MID1: variants seen among roughly 807,000 people sequenced by gnomAD.
MID1 encodes E3 ubiquitin-protein ligase Midline-1.
MID1 carries 7 observed loss-of-function variants against 40.4 expected under a neutral mutation model. The observed-to-expected ratio is 0.17, with a 90% CI of 0.10 to 0.33. The LOEUF is 0.33. MID1 is among the 10% of genes least tolerant of loss of function. The pLI, the probability that MID1 is intolerant of heterozygous loss-of-function variation, is 1.00. For missense variants in MID1, 367 were observed against 558.5 expected, an observed-to-expected ratio of 0.66 and a Z score of 3.46; for synonymous variants, 229 against 221.2, an observed-to-expected ratio of 1.04 and a Z score of -0.31.
At position 10,714,574 on chromosome X, in the gene MID1, C is replaced by T. The variant is rs770754454; in HGVS notation, c.-186-94155G>A. On this transcript the variant is annotated intron_variant, in intron 1 of 10. Transcript: ENST00000380785. ...TGAGATCTACTTTTGTTAATCGAAT[C>T]TGGAACATTTTAATATGCTTTGCAT... Among the ~76,000 whole-genome samples the T allele has an allele frequency of 6.2e-5, 7 of 112,844 alleles. No homozygotes were observed. In the South Asian group the frequency reaches 2.6e-3, roughly 41 times the overall value.
At chrX:10,658,902 C>T (rs1341951204) in intron 1 of MID1, among the ~76,000 whole-genome samples, 2 of 112,021 alleles carry the variant, frequency 1.8e-5, no homozygotes, top group Non-Finnish European at 3.8e-5. Context: ...CACCCACACA[C>T]AATCTTTGTG....
chrX:10,583,262 T>C (rs1935060167), intron 1 of MID1, among the ~76,000 whole-genome samples: 1 of 112,013 alleles, frequency 8.9e-6, no homozygotes, highest in Admixed American at 9.4e-5. Flanking sequence ...TTTCAAAGAC[T>C]CATACATAAA....
chrX:10,786,338 G>T (rs913478524), intron 1 of MID1, among the ~76,000 whole-genome samples: 1 of 110,363 alleles, frequency 9.1e-6, no homozygotes, highest in Non-Finnish European at 1.9e-5. Context: ...GAGAGGATGT[G>T]GAGAAATAGG....
At chrX:10,533,362 AAG>A (rs776881711) in intron 2 of MID1, among the ~76,000 whole-genome samples, 158 of 81,338 alleles carry the variant, frequency 1.9e-3, no homozygotes, top group Middle Eastern at 6.0e-3. Flanking sequence ...GAAAGAAAGA[AAG>A]AAAGAAAGAA....
chrX:10,747,381 G>A (rs1370916093), intron 1 of MID1, among the ~76,000 whole-genome samples: 2 of 112,150 alleles, frequency 1.8e-5, no homozygotes, highest in African/African-American at 6.5e-5. Context: ...AATTTCAAGG[G>A]AGAGCAACCC....
chrX:10,484,138 G>A (rs551818989), intron 4 of MID1, among the ~76,000 whole-genome samples: 2 of 99,591 alleles, frequency 2.0e-5, no homozygotes, highest in South Asian at 3.9e-4. Flanking sequence ...CATCCAGTAC[G>A]CGCAGGATAT....
Position 10,456,111 on chromosome X carries a change from GGAAAAGGTCTAGTAAA to G in MID1, c.1448-1050_1448-1035del, listed in dbSNP as rs1477318022. 3.6e-5 allele frequency among the ~76,000 whole-genome samples: 4 copies of G among 112,295 alleles called. No homozygotes were observed. The South Asian group carries it at 1.5e-3, about 42-fold the overall frequency. ...GCCCAGTATACAGCTCTCAATCACA[GGAAAAGGTCTAGTAAA>G]TTCAACTGTGGCAATACACGATGCT... On this transcript the variant is annotated intron_variant, in intron 8 of 9. Coordinates refer to ENST00000317552, the MANE Select transcript of MID1 (RefSeq NM_000381.4).
intron 7 of MID1, among the ~76,000 whole-genome samples, chrX:10,466,041 C>G (rs1017304237): frequency 8.9e-6 from 1 of 112,038 alleles, no homozygotes; most frequent in African/African-American, 3.2e-5. Context: ...CAAATGTTTT[C>G]TTTTTCCGGT....
chrX:10,790,497 A>T (rs1602580398), intron 1 of MID1, among the ~76,000 whole-genome samples: 1 of 110,030 alleles, frequency 9.1e-6, no homozygotes, highest in East Asian at 2.9e-4. Flanking sequence ...ATTGGTAAAA[A>T]ATCTGAAGGC....
At chrX:10,777,164 T>C (rs2043808279) in intron 1 of MID1, among the ~76,000 whole-genome samples, 1 of 112,418 alleles carries the variant, frequency 8.9e-6, no homozygotes, top group Non-Finnish European at 1.9e-5. Context: ...AGGAAAAATC[T>C]GCCTGGAGAA....
At chrX:10,488,037 A>G (rs756597492) in intron 4 of MID1, among the ~76,000 whole-genome samples, 1 of 94,576 alleles carries the variant, frequency 1.1e-5, no homozygotes, top group South Asian at 5.4e-4. Context: ...GCTGGAGTGT[A>G]GTGGCATCAT....
At chrX:10,780,122 C>T (rs1383960354) in intron 1 of MID1, among the ~76,000 whole-genome samples, 1 of 110,120 alleles carries the variant, frequency 9.1e-6, no homozygotes, top group Non-Finnish European at 1.9e-5. Flanking sequence ...CAGGCCACCA[C>T]GCCCAGCTAA....
intron 1 of MID1, among the ~76,000 whole-genome samples, chrX:10,830,986 G>A (rs775568228): frequency 8.9e-6 from 1 of 111,869 alleles, no homozygotes; most frequent in Non-Finnish European, 1.9e-5. Context: ...GATTGTCAAA[G>A]GCAGTTTCCT....
rs773613255 is a variant in MID1, at chrX:10,566,532, C to CCTCT, written c.660+352_660+355dup. ...CTCTCCCTCTCTCTCCCTCTCTCTC[C>CCTCT]CTCTCTCTCTCTCTCTCTCTCTCTC... On this transcript the variant is annotated intron_variant, in intron 2 of 9. Coordinates refer to ENST00000317552, the MANE Select transcript of MID1 (RefSeq NM_000381.4). Among the ~76,000 whole-genome samples the CCTCT allele has an allele frequency of 5.1e-3, 269 of 52,850 alleles. 3 individuals carry two copies. The highest frequency in any genetic ancestry group is 0.011 in the African/African-American group (183 of 16,727). The allele number at this position is 52,850 out of a possible 115,157, so 45.9% of individuals were successfully genotyped here. A position where few individuals can be genotyped will look rare whatever the true frequency, so the allele number is the denominator to read the frequency against.
intron 1 of MID1, among the ~76,000 whole-genome samples, chrX:10,649,668 A>G (rs1170628120): frequency 8.9e-6 from 1 of 111,913 alleles, no homozygotes; most frequent in Non-Finnish European, 1.9e-5. Flanking sequence ...GCGTTTTTCA[A>G]AGGACCCTAG....
chrX:10,773,549 T>G (rs2043783583), intron 1 of MID1, among the ~76,000 whole-genome samples: 1 of 112,783 alleles, frequency 8.9e-6, no homozygotes, highest in Non-Finnish European at 1.9e-5. Flanking sequence ...TCACTAGAAC[T>G]GATGTTAATC....
intron 1 of MID1, among the ~76,000 whole-genome samples, chrX:10,819,037 T>C (rs1436033327): frequency 4.5e-5 from 5 of 112,214 alleles, no homozygotes; most frequent in Admixed American, 3.8e-4. Context: ...AGTTATTTTC[T>C]ACACCTTTCC....
intron 1 of MID1, among the ~76,000 whole-genome samples, chrX:10,685,946 G>A (rs1345199170): frequency 9.4e-6 from 1 of 105,905 alleles, no homozygotes; most frequent in Non-Finnish European, 1.9e-5. Context: ...AGTACAAGAT[G>A]GAAAGAAATA....
chrX:10,613,746 G>A (rs1315459889), intron 1 of MID1, among the ~76,000 whole-genome samples: 1 of 81,900 alleles, frequency 1.2e-5, no homozygotes, highest in Non-Finnish European at 2.3e-5. Flanking sequence ...GAGAGAGAGA[G>A]AGAGAGAGAG....
Sources: allele counts gnomAD v4.1 joint callset (sites outside exome capture counted in the v4.1 genomes callset), GRCh38; gene constraint gnomAD v4.1.1; transcripts MANE v1.5; gene names NCBI Gene and HGNC (gene_info 2026-07-23, HGNC 2026-07-21).